The following NRG1 variants were observed in gnomAD, a reference collection of about 807,000 sequenced individuals.
The protein encoded by NRG1 is neuregulin 1, also known as pro-neuregulin-1, membrane-bound isoform.
Under a neutral mutation model 63.8 loss-of-function variants are expected in NRG1, and 18 were observed. The ratio of observed to expected loss-of-function variants is 0.28; its 90% CI spans 0.19 to 0.42. The LOEUF is 0.42. Ranked by LOEUF, NRG1 falls within the 10% of genes least tolerant of loss-of-function variation. The pLI, the probability that NRG1 is intolerant of heterozygous loss-of-function variation, is 1.00. For synonymous variants in NRG1, 302 were observed against 301.3 expected (o/e 1.00, Z -0.02); for missense variants, 762 against 814.7 (o/e 0.94, Z 0.79).
intron 1 of NRG1, among the ~76,000 whole-genome samples, chr8:31,859,897 G>T (rs1429104783): frequency 1.3e-5 from 2 of 152,120 alleles, no homozygotes; most frequent in African/African-American, 4.8e-5. Flanking sequence ...ATGGTGGGGA[G>T]GTATGTGTCT....
intron 1 of NRG1, among the ~76,000 whole-genome samples, chr8:31,846,085 A>G (rs1826661143): frequency 6.6e-6 from 1 of 152,222 alleles, no homozygotes; most frequent in South Asian, 2.1e-4. Flanking sequence ...CAAGCAGGGT[A>G]AGCAATCTTT....
chr8:32,614,752 T>C (rs1284721309), intron 4 of NRG1, among the ~76,000 whole-genome samples, 188 bp downstream of exon 4: 1 of 152,142 alleles, frequency 6.6e-6, no homozygotes, highest in East Asian at 1.9e-4. Context: ...GTTCTTGCTG[T>C]GTCTTCAAAC....
chr8:32,664,615 T>C (rs1803677543), intron 5 of NRG1, among the ~76,000 whole-genome samples: 1 of 151,776 alleles, frequency 6.6e-6, no homozygotes, highest in African/African-American at 2.4e-5. Flanking sequence ...AATAAACTGA[T>C]GGTGTAGAAA....
At chr8:32,682,257 A>G (rs1396610467) in intron 5 of NRG1, among the ~76,000 whole-genome samples, 1 of 152,150 alleles carries the variant, frequency 6.6e-6, no homozygotes, top group Non-Finnish European at 1.5e-5. Flanking sequence ...TCACCCATTC[A>G]TGTGCATTAA....
intron 1 of NRG1, among the ~76,000 whole-genome samples, chr8:31,748,319 A>G (rs542338271): frequency 6.6e-6 from 1 of 152,084 alleles, no homozygotes; most frequent in Admixed American, 6.6e-5. Context: ...AGTCCTCACA[A>G]TAATCTTATG....
At chr8:31,868,764 C>T (rs576395978) in intron 1 of NRG1, among the ~76,000 whole-genome samples, 1 of 152,196 alleles carries the variant, frequency 6.6e-6, no homozygotes, top group African/African-American at 2.4e-5. Context: ...ATATGATTGT[C>T]ATTGACATTA....
intron 1 of NRG1, among the ~76,000 whole-genome samples, chr8:31,916,619 G>C (rs1396941208): frequency 4.6e-5 from 7 of 152,128 alleles, no homozygotes; most frequent in Non-Finnish European, 1.0e-4. Context: ...GGACATTTGG[G>C]TTGGTTCCAA....
At chr8:32,209,779 T>A (rs1038117622) in intron 1 of NRG1, among the ~76,000 whole-genome samples, 2 of 149,822 alleles carry the variant, frequency 1.3e-5, no homozygotes, top group African/African-American at 5.0e-5. Context: ...CCTTCCTTCT[T>A]ACTTTCTTTC....
intron 1 of NRG1, among the ~76,000 whole-genome samples, chr8:32,023,693 A>G (rs1275305735): frequency 6.6e-6 from 1 of 152,166 alleles, no homozygotes; most frequent in East Asian, 1.9e-4. Flanking sequence ...GATTTCAAAA[A>G]CACCAGGAGA....
chr8:31,701,069 T>C (rs1810578961), intron 1 of NRG1, among the ~76,000 whole-genome samples: 1 of 152,188 alleles, frequency 6.6e-6, no homozygotes, highest in Non-Finnish European at 1.5e-5. Context: ...ATTAGTCATG[T>C]GAATTCAGAT....
intron 1 of NRG1, among the ~76,000 whole-genome samples, chr8:32,276,834 C>G (rs1447148388): frequency 6.6e-6 from 1 of 152,194 alleles, no homozygotes; most frequent in Non-Finnish European, 1.5e-5. Context: ...TGGGAGATAA[C>G]TGGAGTAGTC....
intron 1 of NRG1, among the ~76,000 whole-genome samples, chr8:31,749,290 T>G (rs1472858876): frequency 6.6e-6 from 1 of 151,890 alleles, no homozygotes; most frequent in Non-Finnish European, 1.5e-5. Context: ...GTATTAGTTT[T>G]ACAATCTAGA....
chr8:31,963,544 T>A (rs375927026), intron 1 of NRG1, among the ~76,000 whole-genome samples: 52 of 152,300 alleles, frequency 3.4e-4, no homozygotes, highest in South Asian at 1.0e-3. Flanking sequence ...TAATTTAAAT[T>A]AACTTGTGTA....
At chr8:32,355,018 A>G (rs989142348) in intron 1 of NRG1, among the ~76,000 whole-genome samples, 1 of 152,028 alleles carries the variant, frequency 6.6e-6, no homozygotes, top group African/African-American at 2.4e-5. Context: ...GAAACTATAG[A>G]AAAATACACA....
chr8:31,654,159 T>G (rs1563259306), intron 1 of NRG1, among the ~76,000 whole-genome samples: 1 of 152,208 alleles, frequency 6.6e-6, no homozygotes, highest in Non-Finnish European at 1.5e-5. Context: ...CAGTCATATT[T>G]CTCTTTAAAA....
intron 1 of NRG1, among the ~76,000 whole-genome samples, chr8:32,060,373 A>G (rs1823645306): frequency 6.6e-6 from 1 of 151,886 alleles, no homozygotes; most frequent in South Asian, 2.1e-4. Context: ...AGGTGATCCA[A>G]TATATTAAAG....
At chr8:32,047,897 A>G (rs1821267151) in intron 1 of NRG1, among the ~76,000 whole-genome samples, 1 of 151,916 alleles carries the variant, frequency 6.6e-6, no homozygotes, top group Non-Finnish European at 1.5e-5. Context: ...GTATCCTTTA[A>G]CCGACATCTT....
chr8:32,689,326 C>T (rs915442236), intron 5 of NRG1, among the ~76,000 whole-genome samples: 3 of 151,494 alleles, frequency 2.0e-5, no homozygotes, highest in Non-Finnish European at 4.4e-5. Flanking sequence ...AGTTCATGGA[C>T]TCTTGTTTCT....
At chr8:32,580,076 T>C (rs1267302925) in intron 1 of NRG1, among the ~76,000 whole-genome samples, 3 of 152,196 alleles carry the variant, frequency 2.0e-5, no homozygotes, top group Non-Finnish European at 4.4e-5. Context: ...ATGAGTTTTG[T>C]AGCTGCTGAT....
Sources: allele counts gnomAD v4.1 joint callset (sites outside exome capture counted in the v4.1 genomes callset), GRCh38; gene constraint gnomAD v4.1.1; transcripts MANE v1.5; gene names NCBI Gene and HGNC (gene_info 2026-07-23, HGNC 2026-07-21).